The following NHLRC2 variants were observed in gnomAD, a reference collection of about 807,000 sequenced individuals.
The protein encoded by NHLRC2 is NHL repeat-containing protein 2.
A neutral mutation model predicts 68.1 loss-of-function variants in NHLRC2; 33 were observed. The observed-to-expected ratio is 0.48, with a 90% CI of 0.37 to 0.65. The LOEUF (loss-of-function observed/expected upper bound fraction) is 0.65. NHLRC2 is among the 30% of genes least tolerant of loss of function. NHLRC2 has a pLI of 0.00. For synonymous variants in NHLRC2, 311 were observed against 309.6 expected (o/e 1.00, Z -0.05); for missense variants, 761 against 853.8 (o/e 0.89, Z 1.35).
intron 5 of NHLRC2, among the ~76,000 whole-genome samples, chr10:113,894,340 T>G (rs1161567662): frequency 2.6e-5 from 4 of 152,194 alleles, no homozygotes; most frequent in Non-Finnish European, 5.9e-5. Flanking sequence ...TGTAGAAGGC[T>G]TATAAATCTT....
rs1846332159 is a variant in NHLRC2 at position 113,911,805 on chromosome 10, C to A, written c.*3269C>A. ...GTTAACAGTTACATAAGAATATATG[C>A]AGAGGGAAAATGTCAATAGTTCTTG... On this transcript the variant is annotated 3_prime_UTR_variant, in exon 11 of 11. Transcript: ENST00000369301. The A allele has an allele frequency of 6.6e-6, 1 of 151,860 alleles. No individual in the cohort carries two copies. Among genetic ancestry groups the A allele is most frequent in the African/African-American group, 2.4e-5 (1 of 41,386 alleles). 9.4% of individuals were successfully genotyped at this position (151,860 alleles called of 1,614,324 possible).
chr10:113,898,051 A>G (rs1846191225), intron 5 of NHLRC2, 59 bp from the exon 6 acceptor site: 4 of 950,614 alleles, frequency 4.2e-6, no homozygotes, highest in South Asian at 3.3e-5. Flanking sequence ...TTTTAAAACC[A>G]TTGGAGTGTT....
chr10:113,898,246 A>G (rs368061947), intron 6 of NHLRC2, 37 bp downstream of exon 6: 50 of 1,318,848 alleles, frequency 3.8e-5, no homozygotes, highest in Non-Finnish European at 5.4e-5. Context: ...AGACTGTACT[A>G]CTTGGTGTTC....
intron 7 of NHLRC2, among the ~76,000 whole-genome samples, 194 bp downstream of exon 7, chr10:113,902,091 CTACTT>C (rs755813235): frequency 3.9e-4 from 60 of 152,212 alleles, no homozygotes; most frequent in Non-Finnish European, 7.2e-4. Context: ...TGAACTGACT[CTACTT>C]TATTATGTAT....
At position 113,876,543 on chromosome 10, in the gene NHLRC2, T is replaced by C; in HGVS notation, c.354T>C (p.Val118=). The C allele has an allele frequency of 6.2e-7, 1 of 1,602,900 alleles. No homozygotes were observed. The stretch of plus-strand genomic sequence containing the variant: ...CAGATGGTCTTCTTATTATTGGTGT[T>C]CACTCGGCTAAGTTTCCAAATGAAA... The part of the protein sequence containing the change: ...SDKDGLLIIG[V]HSAKFPNEKV... Residue 118 remains valine, a synonymous_variant, in exon 3 of 11, where the codon GTT becomes GTC. Coordinates refer to ENST00000369301, the MANE Select transcript of NHLRC2 (RefSeq NM_198514.4).
chr10:113,896,460 G>T (rs1322808840), intron 5 of NHLRC2, among the ~76,000 whole-genome samples: 1 of 139,460 alleles, frequency 7.2e-6, no homozygotes, highest in Non-Finnish European at 1.5e-5. Flanking sequence ...GGTGGGAATT[G>T]AACAATGAGA....
chr10:113,865,835 G>A (rs1296488093), intron 2 of NHLRC2, among the ~76,000 whole-genome samples: 1 of 152,106 alleles, frequency 6.6e-6, no homozygotes, highest in Non-Finnish European at 1.5e-5. Flanking sequence ...GACATAACCA[G>A]AAATGATCAC....
At position 113,904,389 on chromosome 10, in the gene NHLRC2, T is replaced by C. The variant is rs561267689; in HGVS notation, c.1705-428T>C. Among the ~76,000 whole-genome samples, 14 of 152,288 alleles carry C rather than the reference T, an allele frequency of 9.2e-5. No individual in the cohort carries two copies. The East Asian group carries it at 2.5e-3, about 27-fold the overall frequency. Reference sequence around the variant, plus strand: ...TCTGAAAAACTGGTAATTTGCACGGTATATTTTTAAAAGAAACATAGATTA... The same window carrying C: ...TCTGAAAAACTGGTAATTTGCACGGCATATTTTTAAAAGAAACATAGATTA... On this transcript the variant is annotated intron_variant, in intron 9 of 10. Coordinates refer to ENST00000369301, the MANE Select transcript of NHLRC2 (RefSeq NM_198514.4).
chr10:113,908,534 T>TAGCC lies in NHLRC2; in HGVS notation c.*6_*9dup. The TAGCC allele has an allele frequency of 6.2e-7, 1 of 1,613,902 alleles. No homozygotes were observed. The highest frequency in any genetic ancestry group is 1.1e-5 in the South Asian group (1 of 91,076). On this transcript the variant is annotated frameshift_variant and stop_retained_variant, in exon 11 of 11. Coordinates refer to ENST00000369301, the MANE Select transcript of NHLRC2 (RefSeq NM_198514.4). LOFTEE classifies it high-confidence loss of function. Reference sequence around the variant, plus strand: ...TCCAGTAGAGCTCAGGTATGTATTTTAGCCAGCCAGCTAGCTAGCAACCCA... The same window carrying TAGCC: ...TCCAGTAGAGCTCAGGTATGTATTTTAGCCAGCCAGCCAGCTAGCTAGCAACCCA...
chr10:113,885,504 A>G (rs1846073214), intron 5 of NHLRC2, among the ~76,000 whole-genome samples: 1 of 151,980 alleles, frequency 6.6e-6, no homozygotes, highest in South Asian at 2.1e-4. Flanking sequence ...TAGCAATTCT[A>G]AATAATTTCA....
chr10:113,884,305 A>G lies in NHLRC2; in HGVS notation c.964A>G (p.Thr322Ala), dbSNP rs758958949. 1.2e-6 allele frequency: 2 copies of G among 1,610,594 alleles called. No homozygotes were observed. The highest frequency in any genetic ancestry group is 2.2e-5 in the East Asian group (1 of 44,748). ...TGTAGCTGGTATTGGAATTCAAGGT[A>G]CAGATAAAGAAGGTGGAGCAAAAGG... is the stretch of plus-strand genomic sequence containing the variant. ...STVAGIGIQG[T>A]DKEGGAKGEQ... is the part of the protein sequence containing the mutation. Residue 322 changes from threonine (T) to alanine (A), a missense_variant, in exon 5 of 11, where the codon ACA (threonine) becomes GCA (alanine). Physicochemically the swap from Thr to Ala is moderately conservative, Grantham distance 58. Coordinates refer to ENST00000369301, the MANE Select transcript of NHLRC2 (RefSeq NM_198514.4).
rs1401479511 is a variant in NHLRC2, at chr10:113,914,806, G to A, written c.*6270G>A. 1.2e-5 allele frequency: 4 copies of A among 344,778 alleles called. No homozygotes were observed. Among genetic ancestry groups the A allele is most frequent in the African/African-American group, 8.6e-5 (4 of 46,584 alleles). 21.4% of individuals were successfully genotyped at this position (344,778 alleles called of 1,614,324 possible). A position where few individuals can be genotyped will look rare whatever the true frequency, so the allele number is the denominator to read the frequency against. On this transcript the variant is annotated 3_prime_UTR_variant, in exon 11 of 11. Transcript: ENST00000369301. Reference sequence around the variant, plus strand: ...ACTATTTTGTCCTGAATAATTAAGAGTTTGCTTTTTTCCCATGTCTTTGCA... The same window carrying A: ...ACTATTTTGTCCTGAATAATTAAGAATTTGCTTTTTTCCCATGTCTTTGCA...
At position 113,855,069 on chromosome 10, in the gene NHLRC2, G is replaced by T; in HGVS notation, c.178+19G>T. On this transcript the variant is annotated intron_variant, in intron 1 of 10. Transcript: ENST00000369301. ...CCGGAAGGTGAGGGGCTGGCGTCGG[G>T]GTGGGGGCCCCTCCCGGCACCTCCC... The T allele has an allele frequency of 1.3e-6, 2 of 1,548,564 alleles. No homozygotes were observed. Among genetic ancestry groups the T allele is most frequent in the Non-Finnish European group, 1.7e-6 (2 of 1,144,922 alleles).
intron 5 of NHLRC2, among the ~76,000 whole-genome samples, chr10:113,888,916 T>C (rs1846105645): frequency 6.6e-6 from 1 of 150,818 alleles, no homozygotes; most frequent in African/African-American, 2.4e-5. Context: ...AACCTCTGCC[T>C]GTCGGGTTCA....
intron 1 of NHLRC2, 28 bp downstream of exon 1, chr10:113,855,078 C>T (rs1845732725): frequency 6.5e-7 from 1 of 1,541,196 alleles, no homozygotes; most frequent in Non-Finnish European, 8.8e-7. Flanking sequence ...GGGTGGGGGC[C>T]CCTCCCGGCA....
In NHLRC2 at chr10:113,915,631, C is replaced by T. The variant is rs1218622408; in HGVS notation, c.*7095C>T. 2 of 231,090 alleles carry T rather than the reference C, an allele frequency of 8.7e-6. No individual in the cohort carries two copies. Among genetic ancestry groups the T allele is most frequent in the Non-Finnish European group, 1.7e-5 (2 of 117,572 alleles). The allele number at this position is 231,090 out of a possible 1,614,324, so 14.3% of individuals were successfully genotyped here. A position where few individuals can be genotyped will look rare whatever the true frequency, so the allele number is the denominator to read the frequency against. ...CCCCAATTAAAATAGTTTTTTTTTC[C>T]CTTCCCATTTTTTTGTTTTTAAGAG... On this transcript the variant is annotated 3_prime_UTR_variant, in exon 11 of 11. Transcript: ENST00000369301.
intron 2 of NHLRC2, among the ~76,000 whole-genome samples, chr10:113,870,956 T>TA (rs1470864573): frequency 1.3e-5 from 2 of 152,120 alleles, no homozygotes; most frequent in Non-Finnish European, 2.9e-5. Context: ...TAACTGGTTA[T>TA]TGTTTGAGTA....
chr10:113,876,728 G>A lies in NHLRC2; in HGVS notation c.539G>A (p.Gly180Glu). The A allele has an allele frequency of 6.2e-7, 1 of 1,613,374 alleles. No individual in the cohort carries two copies. Among genetic ancestry groups the A allele is most frequent in the Non-Finnish European group, 8.5e-7 (1 of 1,179,460 alleles). The change falls in exon 3 of 11, where the codon GGA becomes GAA. Residue 180 changes from glycine to glutamate, a missense_variant. Coordinates refer to ENST00000369301, the MANE Select transcript of NHLRC2 (RefSeq NM_198514.4). ...PRGNMLFSLIGEGHKDKLFLY... is the reference protein window; with the variant it reads ...PRGNMLFSLIEEGHKDKLFLY... ...GGAAACATGTTGTTTTCTTTGATTG[G>A]AGAGGGACACAAAGATAAATTATTT...
chr10:113,883,541 T>G (rs1307341241), intron 4 of NHLRC2, among the ~76,000 whole-genome samples: 1 of 151,976 alleles, frequency 6.6e-6, no homozygotes, highest in Non-Finnish European at 1.5e-5. Context: ...TTACAAAAAT[T>G]TTTTAACTTT....
Sources: allele counts gnomAD v4.1 joint callset (sites outside exome capture counted in the v4.1 genomes callset), GRCh38; gene constraint gnomAD v4.1.1; transcripts MANE v1.5; gene names NCBI Gene and HGNC (gene_info 2026-07-23, HGNC 2026-07-21).